TTLL6: variants seen among roughly 807,000 people sequenced by gnomAD.
The protein encoded by TTLL6 is tubulin polyglutamylase TTLL6.
Under a neutral mutation model 96.4 loss-of-function variants are expected in TTLL6, and 75 were observed. That is an observed-to-expected ratio of 0.78 (90% CI 0.65 to 0.94). The LOEUF (loss-of-function observed/expected upper bound fraction) is 0.94. TTLL6 is among the 40% of genes least tolerant of loss of function. TTLL6 has a pLI of 0.00. For missense variants in TTLL6, 1,030 were observed against 1,093.0 expected, an observed-to-expected ratio of 0.94 and a Z score of 0.81; for synonymous variants, 411 against 419.4, an observed-to-expected ratio of 0.98 and a Z score of 0.24.
chr17:48,791,442 G>C lies in TTLL6; in HGVS notation c.1160C>G (p.Ala387Gly), dbSNP rs986516812. 1 of 1,614,208 alleles carries C rather than the reference G, an allele frequency of 6.2e-7. No individual in the cohort carries two copies. Among genetic ancestry groups the C allele is most frequent in the Admixed American group, 1.7e-5 (1 of 60,028 alleles). Residue 387 changes from alanine to glycine, a missense_variant, in exon 9 of 16, where the codon GCC (alanine) becomes GGC (glycine). By Grantham distance (60) the Ala-to-Gly change is moderately conservative (BLOSUM62 0). Coordinates refer to ENST00000393382, the MANE Select transcript of TTLL6 (RefSeq NM_001130918.3). ...GTCAAAGCCCAGGATCTCAAAGCAGGCGCTGTTGAGTGTGTGGTTGGGGAA... is the reference window on the plus strand; with the variant it reads ...GTCAAAGCCCAGGATCTCAAAGCAGCCGCTGTTGAGTGTGTGGTTGGGGAA... Reference protein sequence around the residue: ...TCFPNHTLNSACFEILGFDIL... With the variant: ...TCFPNHTLNSGCFEILGFDIL...
At chr17:48,806,818 G>T (rs1231631229) in intron 1 of TTLL6, among the ~76,000 whole-genome samples, 2 of 151,846 alleles carry the variant, frequency 1.3e-5, no homozygotes, top group Non-Finnish European at 2.9e-5. Flanking sequence ...ATCACTTGAG[G>T]TCAGAAGTTC....
chr17:48,772,190 A>G (rs963727972), intron 13 of TTLL6, among the ~76,000 whole-genome samples: 5 of 152,182 alleles, frequency 3.3e-5, no homozygotes, highest in African/African-American at 1.2e-4. Flanking sequence ...AAAGTAGTCA[A>G]TACACTAAGA....
chr17:48,816,905 T>G (rs2039675127), intron 1 of TTLL6, 65 bp downstream of exon 1: 2 of 1,288,036 alleles, frequency 1.6e-6, no homozygotes, highest in Admixed American at 5.4e-5. Context: ...CTAGCCAGGT[T>G]TTCAGGGGAC....
rs1189720610 is a variant in TTLL6 at position 48,762,919 on chromosome 17, G to T, written c.*55C>A. ...GAGACACTGTCGGAAGAGACACATT[G>T]TTTCCTGCAAGTTAAGAGGTAGGAA... On this transcript the variant is annotated 3_prime_UTR_variant, in exon 16 of 16. Coordinates refer to ENST00000393382, the MANE Select transcript of TTLL6 (RefSeq NM_001130918.3). 7 of 456,120 alleles carry T rather than the reference G, an allele frequency of 1.5e-5. No homozygotes were observed. Among genetic ancestry groups the T allele is most frequent in the African/African-American group, 1.2e-4 (6 of 50,002 alleles). The allele number at this position is 456,120 out of a possible 1,614,324, so 28.3% of individuals were successfully genotyped here. A position where few individuals can be genotyped will look rare whatever the true frequency, so the allele number is the denominator to read the frequency against.
At chr17:48,810,573 A>G (rs767163307) in intron 1 of TTLL6, among the ~76,000 whole-genome samples, 1 of 152,030 alleles carries the variant, frequency 6.6e-6, no homozygotes, top group Non-Finnish European at 1.5e-5. Context: ...GCGCATACCT[A>G]TAATCCTAAC....
chr17:48,795,455 C>G (rs1358826985), intron 8 of TTLL6, among the ~76,000 whole-genome samples: 2 of 152,144 alleles, frequency 1.3e-5, no homozygotes, highest in Admixed American at 1.3e-4. Context: ...CCTCCTTCAC[C>G]TGGTCAAGTT....
Position 48,814,785 on chromosome 17 carries a change from ATCTTTCTT to A in TTLL6, c.103+2177_103+2184del, listed in dbSNP as rs1199432658. Among the ~76,000 whole-genome samples the A allele has an allele frequency of 5.9e-5, 9 of 152,058 alleles. 1 individual carries two copies. The South Asian group carries it at 1.9e-3, about 32-fold the overall frequency. ...TGGAAAATGTTTAGTGCTTTCTTTT[ATCTTTCTT>A]TCTTTCTTTCAAACTCCAGCCTGTT... On this transcript the variant is annotated intron_variant, in intron 1 of 15. Coordinates refer to ENST00000393382, the MANE Select transcript of TTLL6 (RefSeq NM_001130918.3).
At chr17:48,794,318 T>A (rs1481658351) in intron 8 of TTLL6, 1 of 1,607,382 alleles carries the variant, frequency 6.2e-7, no homozygotes, top group Non-Finnish European at 8.5e-7. Context: ...TTCTGTGCCC[T>A]TAGACTAAGG....
At chr17:48,791,086 G>A (rs2039211945) in intron 9 of TTLL6, among the ~76,000 whole-genome samples, 1 of 152,188 alleles carries the variant, frequency 6.6e-6, no homozygotes. Context: ...CTTTCTGGGA[G>A]ACAACTCTTA....
intron 14 of TTLL6, 88 bp downstream of exon 14, chr17:48,769,640 C>A: frequency 6.7e-7 from 1 of 1,497,984 alleles, no homozygotes; most frequent in Non-Finnish European, 9.0e-7. Context: ...CCTCCAAAGA[C>A]TGGGAGCTCC....
intron 1 of TTLL6, among the ~76,000 whole-genome samples, chr17:48,816,641 T>C (rs1168404848): frequency 6.6e-6 from 1 of 152,058 alleles, no homozygotes; most frequent in Non-Finnish European, 1.5e-5. Flanking sequence ...GACCCAATGA[T>C]GGGGATGAAG....
At chr17:48,769,705 T>A in intron 14 of TTLL6, 23 bp downstream of exon 14, 1 of 1,610,782 alleles carries the variant, frequency 6.2e-7, no homozygotes, top group Middle Eastern at 1.9e-4. Flanking sequence ...TCCTGGCACA[T>A]CCCTGTACAC....
intron 13 of TTLL6, among the ~76,000 whole-genome samples, chr17:48,782,100 C>G (rs1003775278): frequency 7.2e-6 from 1 of 138,202 alleles, no homozygotes; most frequent in Non-Finnish European, 1.5e-5. Flanking sequence ...TATACTTTTT[C>G]TTTTCTTTTT....
rs772652112 is a variant in TTLL6, at chr17:48,804,913, T to C, written c.182A>G (p.Glu61Gly). 6.4e-7 allele frequency: 1 copy of C among 1,552,036 alleles called. No homozygotes were observed. Among genetic ancestry groups the C allele is most frequent in the South Asian group, 1.2e-5 (1 of 84,066 alleles). The part of the protein sequence containing the change: ...QCPTLESQEG[E>G]NSEEKGDSSK... ...ACTGTCCCCCTTCTCTTCGGAGTTT[T>C]CCCCTTCCTGGCTTTCCAAAGTCGG... Residue 61 changes from glutamate (E) to glycine (G), a missense_variant, in exon 2 of 16, where the codon GAA becomes GGA. Physicochemically the swap from Glu to Gly is moderately conservative, Grantham distance 98. Coordinates refer to ENST00000393382, the MANE Select transcript of TTLL6 (RefSeq NM_001130918.3).
Position 48,799,712 on chromosome 17 carries a change from GTA to G in TTLL6, c.658_659del (p.Tyr220HisfsTer3). On this transcript the variant is annotated frameshift_variant, in exon 6 of 16. Coordinates refer to ENST00000393382, the MANE Select transcript of TTLL6 (RefSeq NM_001130918.3). LOFTEE classifies it high-confidence loss of function. ...TYSRSRKNKTYICKPDSGCQG... is the reference protein window; with the variant it reads ...TYSRSRKNKTXICKPDSGCQG... ...GGCAGCCCGAATCCGGCTTACAAAT[GTA>G]TGTCTTATTTTTTCTTGACCTGCTG... 1 of 1,551,738 alleles carries G rather than the reference GTA, an allele frequency of 6.4e-7. No homozygotes were observed.
intron 8 of TTLL6, among the ~76,000 whole-genome samples, chr17:48,794,557 C>G (rs967698732): frequency 2.2e-4 from 34 of 152,144 alleles, no homozygotes; most frequent in African/African-American, 8.2e-4. Flanking sequence ...CAGAACGCAG[C>G]AATGCAAGAG....
At chr17:48,808,443 C>T (rs2039536312) in intron 1 of TTLL6, among the ~76,000 whole-genome samples, 1 of 151,744 alleles carries the variant, frequency 6.6e-6, no homozygotes, top group African/African-American at 2.4e-5. Context: ...TTGCATATTC[C>T]CATGTTGCTT....
At position 48,784,963 on chromosome 17, in the gene TTLL6, G is replaced by A; in HGVS notation, c.2000C>T (p.Ala667Val). ...PSKPNFSIKE[A>V]KSASAVNVFT... is the part of the protein sequence containing the mutation. ...TACGTTCACTGCAGAGGCAGACTTG[G>A]CCTCCTTGATGCTGAAGTTGGGTTT... Residue 667 changes from alanine (A) to valine (V), a missense_variant, in exon 13 of 16, where the codon GCC becomes GTC. Transcript: ENST00000393382. The A allele has an allele frequency of 6.2e-7, 1 of 1,614,156 alleles. No homozygotes were observed. Among genetic ancestry groups the A allele is most frequent in the Non-Finnish European group, 8.5e-7 (1 of 1,180,036 alleles).
At chr17:48,765,956 C>A (rs2038595651) in intron 15 of TTLL6, 2 of 152,142 alleles carry the variant, frequency 1.3e-5, no homozygotes, top group Admixed American at 1.3e-4. Context: ...AGAAGTCTTC[C>A]CTAAGGAACT....
Sources: gnomAD v4.1 joint callset for allele counts (sites outside exome capture counted in the v4.1 genomes callset) on GRCh38, gnomAD v4.1.1 for gene constraint, MANE v1.5 for transcripts, NCBI Gene and HGNC (gene_info 2026-07-23, HGNC 2026-07-21) for gene names.